The following MYO3A variants were observed in gnomAD, a reference collection of about 807,000 sequenced individuals.
MYO3A encodes myosin IIIA, also known as myosin-IIIa.
A neutral mutation model predicts 192.7 loss-of-function variants in MYO3A; 180 were observed. The ratio of observed to expected loss-of-function variants is 0.93; its 90% CI spans 0.83 to 1.06. The LOEUF (loss-of-function observed/expected upper bound fraction) is 1.06, where lower values mean the gene tolerates loss of function less well. MYO3A is among the 50% of genes least tolerant of loss of function. The pLI is 0.00. For synonymous variants in MYO3A, 628 were observed against 645.3 expected, an observed-to-expected ratio of 0.97 and a Z score of 0.41; for missense variants, 1,896 against 1,905.0, an observed-to-expected ratio of 1.00 and a Z score of 0.09.
intron 14 of MYO3A, among the ~76,000 whole-genome samples, chr10:26,087,580 T>C (rs1836414262): frequency 6.6e-6 from 1 of 152,178 alleles, no homozygotes; most frequent in Non-Finnish European, 1.5e-5. Flanking sequence ...AAATTTCTAC[T>C]CAGTAGAATT....
chr10:26,082,615 T>C (rs1009599772), intron 14 of MYO3A, among the ~76,000 whole-genome samples: 1 of 152,196 alleles, frequency 6.6e-6, no homozygotes, highest in Non-Finnish European at 1.5e-5. Flanking sequence ...CTATATATAC[T>C]ATTTTTTCCT....
In MYO3A at chr10:26,021,515, G is replaced by A. The variant is rs1842301600; in HGVS notation, c.598G>A (p.Glu200Lys). 1 of 1,614,036 alleles carries A rather than the reference G, an allele frequency of 6.2e-7. No individual in the cohort carries two copies. Among genetic ancestry groups the A allele is most frequent in the East Asian group, 2.2e-5 (1 of 44,880 alleles). ...FWMAPEVIAC[E>K]QQLDTTYDAR... ...GGTTTTCTACTAGGTGATTGCATGT[G>A]AACAGCAATTGGATACCACTTATGA... The change falls in exon 8 of 35, where the codon GAA becomes AAA. Residue 200 changes from glutamate to lysine, a missense_variant. Glu to Lys is a moderately conservative substitution (Grantham distance 56). Transcript: ENST00000642920.
rs189421578 is a variant in MYO3A, at chr10:25,957,102, G to A, written c.303+2094G>A. On this transcript the variant is annotated intron_variant, in intron 4 of 34. Coordinates refer to ENST00000642920, the MANE Select transcript of MYO3A (RefSeq NM_017433.5). Reference sequence around the variant, plus strand: ...CTGCATAGTATTTCACAATGTATATGTACCACATTTTCTTTATTCAGTCTG... The same window carrying A: ...CTGCATAGTATTTCACAATGTATATATACCACATTTTCTTTATTCAGTCTG... Among the ~76,000 whole-genome samples, 73 of 152,198 alleles carry A rather than the reference G, an allele frequency of 4.8e-4. 1 individual carries two copies. The South Asian group carries it at 9.6e-3, about 20-fold the overall frequency.
At chr10:26,193,595 C>T (rs1264723956) in intron 32 of MYO3A, among the ~76,000 whole-genome samples, 2 of 152,108 alleles carry the variant, frequency 1.3e-5, no homozygotes, top group African/African-American at 4.8e-5. Context: ...AATATCAACT[C>T]AGAAAGAGAA....
rs886046931 is a variant in MYO3A, at chr10:26,212,398, G to T, written c.*435G>T. The T allele has an allele frequency of 3.6e-5, 11 of 306,974 alleles. No homozygotes were observed. The highest frequency in any genetic ancestry group is 5.9e-6 in the Non-Finnish European group (1 of 169,178). 19.0% of individuals were successfully genotyped at this position (306,974 alleles called of 1,614,324 possible). ...GCTTTTCTTGGCCAACAGAACACTT[G>T]CTAGCGGTTGAATCTTAGAGAAAAA... On this transcript the variant is annotated 3_prime_UTR_variant, in exon 35 of 35. Transcript: ENST00000642920.
At chr10:26,199,715 T>C (rs923879068) in intron 32 of MYO3A, among the ~76,000 whole-genome samples, 1 of 152,134 alleles carries the variant, frequency 6.6e-6, no homozygotes, top group Non-Finnish European at 1.5e-5. Flanking sequence ...CTAGTATAAA[T>C]AGGATCTTCA....
intron 20 of MYO3A, among the ~76,000 whole-genome samples, chr10:26,134,476 GT>G (rs1564581962): frequency 1.8e-5 from 1 of 55,274 alleles, no homozygotes; most frequent in Non-Finnish European, 4.6e-5. Context: ...TATTATCACT[GT>G]TTTTTAGAAT....
intron 4 of MYO3A, among the ~76,000 whole-genome samples, chr10:25,995,656 G>T: frequency 6.6e-6 from 1 of 152,208 alleles, no homozygotes. Context: ...GGTCTTTAAT[G>T]ATGGTGACAT....
intron 7 of MYO3A, among the ~76,000 whole-genome samples, chr10:26,021,224 G>A (rs180882277): frequency 2.2e-4 from 34 of 152,104 alleles, no homozygotes; most frequent in Non-Finnish European, 3.5e-4. Context: ...TTTGGGACAC[G>A]ATTTCTTTCC....
At chr10:26,027,534 G>A (rs1842611128) in intron 10 of MYO3A, among the ~76,000 whole-genome samples, 1 of 151,900 alleles carries the variant, frequency 6.6e-6, no homozygotes, top group Non-Finnish European at 1.5e-5. Context: ...TAGTATAGAC[G>A]AGGTTCTGCC....
rs3817420 is a variant in MYO3A at position 26,068,819 on chromosome 10, G to A, written c.1105G>A (p.Val369Ile). 0.69 allele frequency: 1,087,580 copies of A among 1,586,116 alleles called. 375,414 individuals are homozygous for A. Among genetic ancestry groups the A allele is most frequent in the African/African-American group, 0.71 (52,543 of 74,484 alleles). The change falls in exon 12 of 35, where the codon GTC becomes ATC. Residue 369 changes from valine (V) to isoleucine (I), a missense_variant. By Grantham distance (29) the Val-to-Ile change is conservative (BLOSUM62 3). Coordinates refer to ENST00000642920, the MANE Select transcript of MYO3A (RefSeq NM_017433.5). ...GTGTTATTCCAGAGATCAGATCTAC[G>A]TCTATGTGGGAGACATACTCATTGC... The part of the protein sequence containing the change: ...EKCYSRDQIY[V>I]YVGDILIALN...
intron 14 of MYO3A, among the ~76,000 whole-genome samples, chr10:26,079,654 G>T (rs190363492): frequency 6.6e-6 from 1 of 152,176 alleles, no homozygotes; most frequent in East Asian, 1.9e-4. Context: ...TTTTGATGTG[G>T]TTCCAGGATT....
intron 20 of MYO3A, among the ~76,000 whole-genome samples, chr10:26,138,193 C>T (rs369257322): frequency 2.6e-4 from 39 of 152,318 alleles, no homozygotes; most frequent in African/African-American, 7.5e-4. Flanking sequence ...GTGGGCATCA[C>T]GGTCCTACTG....
At chr10:25,963,630 T>C (rs2176939) in intron 4 of MYO3A, among the ~76,000 whole-genome samples, 6,567 of 152,234 alleles carry the variant, frequency 0.043, 184 homozygotes, top group Middle Eastern at 0.068. Flanking sequence ...CTTTGGCAGT[T>C]CACAATTGCA....
chr10:26,118,895 G>T (rs1838681298), intron 17 of MYO3A, among the ~76,000 whole-genome samples: 1 of 152,104 alleles, frequency 6.6e-6, no homozygotes, highest in Non-Finnish European at 1.5e-5. Context: ...GCCTCCCAAA[G>T]TGCTGGGATT....
At chr10:26,119,387 T>C (rs1838713910) in intron 17 of MYO3A, among the ~76,000 whole-genome samples, 1 of 152,192 alleles carries the variant, frequency 6.6e-6, no homozygotes, top group Non-Finnish European at 1.5e-5. Context: ...GAATTACCTG[T>C]GACTAGAACA....
intron 31 of MYO3A, among the ~76,000 whole-genome samples, chr10:26,183,473 A>G (rs1427594683): frequency 6.6e-6 from 1 of 152,234 alleles, no homozygotes; most frequent in Non-Finnish European, 1.5e-5. Flanking sequence ...CAGTGAGCCA[A>G]GATTGCGCCA....
At chr10:26,191,834 TTAGTC>T (rs1289199322) in intron 31 of MYO3A, among the ~76,000 whole-genome samples, 2 of 152,218 alleles carry the variant, frequency 1.3e-5, no homozygotes, top group African/African-American at 4.8e-5. Context: ...ATTTATTTGA[TTAGTC>T]TAGTTTGGGA....
chr10:26,122,023 T>G (rs943577181), intron 18 of MYO3A, among the ~76,000 whole-genome samples: 3 of 152,188 alleles, frequency 2.0e-5, no homozygotes, highest in Non-Finnish European at 4.4e-5. Context: ...GTTCTAATTT[T>G]CCATATTTAA....
Sources: allele counts gnomAD v4.1 joint callset (sites outside exome capture counted in the v4.1 genomes callset), GRCh38; gene constraint gnomAD v4.1.1; transcripts MANE v1.5; gene names NCBI Gene and HGNC (gene_info 2026-07-23, HGNC 2026-07-21).